Variants in IRAK3 observed in about 807,000 individuals in gnomAD.
The protein encoded by IRAK3 is interleukin 1 receptor associated kinase 3.
In IRAK3, 57 loss-of-function variants were observed where a neutral mutation model predicts 56.6. That is an observed-to-expected ratio of 1.01 (90% CI 0.81 to 1.26). The LOEUF is 1.26. IRAK3 is among the 50% of genes most tolerant of loss of function. The probability of loss-of-function intolerance (pLI) is 0.00; values close to 1 mark genes in which losing one functional copy is unlikely to be tolerated. For synonymous variants in IRAK3, 258 were observed against 255.7 expected, an observed-to-expected ratio of 1.01 and a Z score of -0.09; for missense variants, 703 against 719.0, an observed-to-expected ratio of 0.98 and a Z score of 0.25.
At position 66,248,023 on chromosome 12, in the gene IRAK3, T is replaced by C; in HGVS notation, c.1643T>C (p.Ile548Thr). Residue 548 changes from isoleucine to threonine, a missense_variant, in exon 12 of 12, where the codon ATA becomes ACA. Transcript: ENST00000261233. ...GAAGAAAGTTGGTTCCCAAAGTATA[T>C]AGTTCCATCCCAGGACTTAAGGCCC... ...SCEESWFPKY[I>T]VPSQDLRPYK... is the part of the protein sequence containing the mutation. 1.3e-6 allele frequency: 2 copies of C among 1,594,688 alleles called. No homozygotes were observed. The highest frequency in any genetic ancestry group is 1.7e-6 in the Non-Finnish European group (2 of 1,172,088).
At chr12:66,246,883 A>G (rs915151452) in intron 11 of IRAK3, among the ~76,000 whole-genome samples, 2 of 152,192 alleles carry the variant, frequency 1.3e-5, no homozygotes, top group Non-Finnish European at 2.9e-5. Flanking sequence ...AGCTTCTAAC[A>G]TACAGATTCC....
chr12:66,235,614 C>A (rs1269463357), intron 8 of IRAK3, among the ~76,000 whole-genome samples: 2 of 151,048 alleles, frequency 1.3e-5, no homozygotes. Context: ...GCAGCGCCGC[C>A]GCGTCCTCCG....
chr12:66,232,450 T>C (rs1034781609), intron 8 of IRAK3, among the ~76,000 whole-genome samples: 1 of 152,208 alleles, frequency 6.6e-6, no homozygotes, highest in Non-Finnish European at 1.5e-5. Flanking sequence ...TAACAGTAGA[T>C]TTCCCCCTCG....
In IRAK3 at chr12:66,247,734, T is replaced by A. The variant is rs1592606543; in HGVS notation, c.1354T>A (p.Phe452Ile). ...TGAAAGTACTCAAGCCAGCTTGTAT[T>A]TTGCTGAAGATCCTCCCACATCACT... Reference protein sequence around the residue: ...TLESTQASLYFAEDPPTSLKS... With the variant: ...TLESTQASLYIAEDPPTSLKS... Residue 452 changes from phenylalanine (F) to isoleucine (I), a missense_variant, in exon 12 of 12, where the codon TTT becomes ATT. Physicochemically the swap from Phe to Ile is conservative, Grantham distance 21. Coordinates refer to ENST00000261233, the MANE Select transcript of IRAK3 (RefSeq NM_007199.3). The A allele has an allele frequency of 6.2e-7, 1 of 1,614,110 alleles. No individual in the cohort carries two copies. Among genetic ancestry groups the A allele is most frequent in the Non-Finnish European group, 8.5e-7 (1 of 1,179,934 alleles).
At chr12:66,219,493 A>C (rs2136932158) in intron 6 of IRAK3, among the ~76,000 whole-genome samples, 1 of 152,348 alleles carries the variant, frequency 6.6e-6, no homozygotes, top group Non-Finnish European at 1.5e-5. Context: ...ATGGAACTGT[A>C]AGCCCATTAA....
intron 8 of IRAK3, among the ~76,000 whole-genome samples, chr12:66,238,047 G>A (rs1446184422): frequency 6.6e-6 from 1 of 152,222 alleles, no homozygotes; most frequent in Admixed American, 6.5e-5. Flanking sequence ...GAATTTTGGA[G>A]AAAGGAGGAG....
intron 1 of IRAK3, among the ~76,000 whole-genome samples, chr12:66,203,393 A>C (rs967117890): frequency 3.3e-5 from 5 of 152,186 alleles, no homozygotes; most frequent in Admixed American, 6.6e-5. Context: ...GAGGAGATTA[A>C]GGAGAAGGAA....
intron 2 of IRAK3, 134 bp from the exon 3 acceptor site, chr12:66,209,322 C>T (rs921189302): frequency 6.1e-5 from 40 of 652,638 alleles, no homozygotes; most frequent in African/African-American, 5.6e-4. Flanking sequence ...ACAAATTTAT[C>T]GTAATGTTGC....
chr12:66,220,742 G>A (rs981704179), intron 6 of IRAK3, among the ~76,000 whole-genome samples: 6 of 151,696 alleles, frequency 4.0e-5, no homozygotes, highest in East Asian at 1.9e-4. Flanking sequence ...GGACGGTCTC[G>A]ATCTCCTGAC....
rs1332270938 is a variant in IRAK3, at chr12:66,253,275, A to G, written c.*5104A>G. ...TAAAAGCTACTAATTTTAAATACTA[A>G]TATCTGAGATATCTTCGAAAAGAAG... On this transcript the variant is annotated 3_prime_UTR_variant, in exon 12 of 12. Transcript: ENST00000261233. 1 of 152,222 alleles carries G rather than the reference A, an allele frequency of 6.6e-6. No homozygotes were observed. Among genetic ancestry groups the G allele is most frequent in the African/African-American group, 2.4e-5 (1 of 41,450 alleles). 9.4% of individuals were successfully genotyped at this position (152,222 alleles called of 1,614,324 possible).
chr12:66,237,160 G>A (rs2052916549), intron 8 of IRAK3, among the ~76,000 whole-genome samples: 1 of 152,068 alleles, frequency 6.6e-6, no homozygotes, highest in African/African-American at 2.4e-5. Context: ...CTGGAACTGG[G>A]GTGACAGTGC....
chr12:66,194,961 T>C lies in IRAK3; in HGVS notation c.133+5529T>C, dbSNP rs114351237. Among the ~76,000 whole-genome samples, 957 of 152,278 alleles carry C rather than the reference T, an allele frequency of 6.3e-3. 24 individuals carry two copies. Among genetic ancestry groups the C allele is most frequent in the African/African-American group, 0.022 (911 of 41,552 alleles). On this transcript the variant is annotated intron_variant, in intron 1 of 11. Transcript: ENST00000261233. Reference sequence around the variant, plus strand: ...TGTTTATCTGCTAAATTCACGTAAATTCAATCTATATACTACTCCCAAATT... The same window carrying C: ...TGTTTATCTGCTAAATTCACGTAAACTCAATCTATATACTACTCCCAAATT...
At chr12:66,242,786 C>T (rs569078196) in intron 8 of IRAK3, among the ~76,000 whole-genome samples, 2 of 152,138 alleles carry the variant, frequency 1.3e-5, no homozygotes, top group Non-Finnish European at 2.9e-5. Flanking sequence ...CTTAAAAGAC[C>T]GCGGGGTCTG....
At chr12:66,213,913 G>A (rs1467236256) in intron 5 of IRAK3, among the ~76,000 whole-genome samples, 2 of 152,154 alleles carry the variant, frequency 1.3e-5, no homozygotes, top group Non-Finnish European at 2.9e-5. Context: ...CCATCCAGCT[G>A]GATTTTGAAG....
At chr12:66,202,199 A>C (rs2052514488) in intron 1 of IRAK3, among the ~76,000 whole-genome samples, 1 of 152,314 alleles carries the variant, frequency 6.6e-6, no homozygotes, top group South Asian at 2.1e-4. Context: ...ATTTAATATA[A>C]GCGCCTACTG....
At chr12:66,240,766 A>G (rs1592602086) in intron 8 of IRAK3, among the ~76,000 whole-genome samples, 1 of 151,286 alleles carries the variant, frequency 6.6e-6, no homozygotes, top group African/African-American at 2.4e-5. Context: ...GAGAGTTTCC[A>G]GGCACCCAGG....
At position 66,204,579 on chromosome 12, in the gene IRAK3, T is replaced by C. The variant is rs563246841; in HGVS notation, c.316+686T>C. 1.1e-4 allele frequency among the ~76,000 whole-genome samples: 16 copies of C among 152,340 alleles called. No homozygotes were observed. The South Asian group carries it at 3.3e-3, about 32-fold the overall frequency. On this transcript the variant is annotated intron_variant, in intron 2 of 11. Transcript: ENST00000261233. ...CAGTGAAATAATCTAACATCACCTG[T>C]TCTGTTTGTTCCACTTAGATGTATT...
chr12:66,223,617 C>G lies in IRAK3; in HGVS notation c.654-3106C>G, dbSNP rs193268365. ...GAGCTTGCAGTGAGCTGAGTTCACG[C>G]CACTGCACTCCAGCCTGGGCAACAG... is the stretch of plus-strand genomic sequence containing the variant. On this transcript the variant is annotated intron_variant, in intron 6 of 11. Transcript: ENST00000261233. Among the ~76,000 whole-genome samples the G allele has an allele frequency of 3.1e-4, 46 of 150,424 alleles. No individual in the cohort carries two copies. The South Asian group carries it at 5.1e-3, about 17-fold the overall frequency.
At chr12:66,229,007 T>G (rs896663360) in intron 8 of IRAK3, among the ~76,000 whole-genome samples, 1 of 152,226 alleles carries the variant, frequency 6.6e-6, no homozygotes. Context: ...TAATTATTAA[T>G]GGCACTTTGT....
Sources: allele counts gnomAD v4.1 joint callset (sites outside exome capture counted in the v4.1 genomes callset), GRCh38; gene constraint gnomAD v4.1.1; transcripts MANE v1.5; gene names NCBI Gene and HGNC (gene_info 2026-07-23, HGNC 2026-07-21).